Variants in RNF8 observed in about 807,000 individuals in gnomAD.
RNF8 encodes ring finger protein 8, also known as E3 ubiquitin-protein ligase RNF8.
A neutral mutation model predicts 59.3 loss-of-function variants in RNF8; 8 were observed. That is an observed-to-expected ratio of 0.13 (90% CI 0.08 to 0.24). The LOEUF (loss-of-function observed/expected upper bound fraction) is 0.24. RNF8 is among the 10% of genes least tolerant of loss of function. The pLI, the probability that RNF8 is intolerant of heterozygous loss-of-function variation, is 1.00. For missense variants in RNF8, 406 were observed against 572.6 expected (o/e 0.71, Z 2.97); for synonymous variants, 162 against 200.0 (o/e 0.81, Z 1.60).
intron 6 of RNF8, 28 bp downstream of exon 6, chr6:37,377,061 CTTT>C (rs35985063): frequency 0.027 from 6,790 of 252,136 alleles, no homozygotes; most frequent in South Asian, 0.04. Context: ...CTCACCCCTT[CTTT>C]TTTTTTTTTT....
rs771390175 is a variant in RNF8, at chr6:37,381,187, A to G, written c.1274A>G (p.Tyr425Cys). The change falls in exon 7 of 8, where the codon TAC becomes TGC. Residue 425 changes from tyrosine to cysteine, a missense_variant. This residue lies in a region of RNF8 where 59 missense variants were observed against 118.5 expected (regional missense o/e 0.50). Transcript: ENST00000373479. ...AACTGTGCCCACAGTTTCTGCTCCT[A>G]CTGTATCAATGAATGGATGAAGCGG... ...TLNCAHSFCS[Y>C]CINEWMKRKI... The G allele has an allele frequency of 4.3e-6, 7 of 1,614,180 alleles. No individual in the cohort carries two copies. The highest frequency in any genetic ancestry group is 5.1e-6 in the Non-Finnish European group (6 of 1,180,026).
At chr6:37,387,995 T>C (rs1267574120) in intron 7 of RNF8, among the ~76,000 whole-genome samples, 1 of 152,118 alleles carries the variant, frequency 6.6e-6, no homozygotes, top group Non-Finnish European at 1.5e-5. Context: ...GCAGAGTTAG[T>C]CTAGGGGCAG....
intron 2 of RNF8, among the ~76,000 whole-genome samples, chr6:37,368,096 C>T (rs1228710284): frequency 2.6e-5 from 4 of 152,322 alleles, no homozygotes; most frequent in African/African-American, 7.2e-5. Flanking sequence ...TCATGGACCT[C>T]ACCCTTAGCT....
At position 37,392,235 on chromosome 6, in the gene RNF8, T is replaced by G. The variant is rs1218965231; in HGVS notation, c.*1477T>G. 2.6e-6 allele frequency: 1 copy of G among 386,696 alleles called. No individual in the cohort carries two copies. The highest frequency in any genetic ancestry group is 4.6e-6 in the Non-Finnish European group (1 of 219,164). 24.0% of individuals were successfully genotyped at this position (386,696 alleles called of 1,614,324 possible). A position where few individuals can be genotyped will look rare whatever the true frequency, so the allele number is the denominator to read the frequency against. Reference sequence around the variant, plus strand: ...AGGAAAAGATTGTTACCACCTTGATTTAATAACTTCTTGTTTCCCCATACA... The same window carrying G: ...AGGAAAAGATTGTTACCACCTTGATGTAATAACTTCTTGTTTCCCCATACA... On this transcript the variant is annotated 3_prime_UTR_variant, in exon 8 of 8. Coordinates refer to ENST00000373479, the MANE Select transcript of RNF8 (RefSeq NM_003958.4).
rs1333687573 is a variant in RNF8 at position 37,369,073 on chromosome 6, C to T, written c.830C>T (p.Thr277Ile). The T allele has an allele frequency of 6.2e-7, 1 of 1,614,182 alleles. No individual in the cohort carries two copies. The highest frequency in any genetic ancestry group is 8.5e-7 in the Non-Finnish European group (1 of 1,180,026). ...HEAVMNVKKQ[T>I]QKGNSKKVVQ... The stretch of plus-strand genomic sequence containing the variant: ...GCCGTTATGAATGTGAAAAAGCAGA[C>T]CCAAAAGGGGAACTCAAAGAAAGTT... Residue 277 changes from threonine to isoleucine, a missense_variant, in exon 3 of 8, where the codon ACC becomes ATC. Coordinates refer to ENST00000373479, the MANE Select transcript of RNF8 (RefSeq NM_003958.4).
chr6:37,385,864 T>C (rs1011300669), intron 7 of RNF8, among the ~76,000 whole-genome samples: 2 of 151,526 alleles, frequency 1.3e-5, no homozygotes, highest in Non-Finnish European at 2.9e-5. Flanking sequence ...CATTTTTTTT[T>C]TTTTTTTTGA....
At position 37,390,774 on chromosome 6, in the gene RNF8, G is replaced by A; in HGVS notation, c.*16G>A. 1 of 1,614,020 alleles carries A rather than the reference G, an allele frequency of 6.2e-7. No homozygotes were observed. Among genetic ancestry groups the A allele is most frequent in the South Asian group, 1.1e-5 (1 of 91,066 alleles). On this transcript the variant is annotated 3_prime_UTR_variant, in exon 8 of 8. Coordinates refer to ENST00000373479, the MANE Select transcript of RNF8 (RefSeq NM_003958.4). ...ATTGTTCTGAAGACCGTGCTCTAAG[G>A]GCATTTGAAAGACTGCCAGGTAGTG...
rs9767150 is a variant in RNF8, at chr6:37,378,375, C to T, written c.1236+1342C>T. Among the ~76,000 whole-genome samples the T allele has an allele frequency of 8.8e-3, 1,340 of 151,928 alleles. 31 individuals are homozygous for T. The highest frequency in any genetic ancestry group is 0.03 in the African/African-American group (1,260 of 41,414). ...GAGCACTTTGGGAGGCCAAGGTGGGCGGATCACCTGAGGTCAAGAGTTCAA... is the reference window on the plus strand; with the variant it reads ...GAGCACTTTGGGAGGCCAAGGTGGGTGGATCACCTGAGGTCAAGAGTTCAA... On this transcript the variant is annotated intron_variant, in intron 6 of 7. Transcript: ENST00000373479.
chr6:37,365,866 C>T lies in RNF8; in HGVS notation c.241-2618C>T, dbSNP rs1258255243. ...GCAGTACTTGATTGTTCTGTACCGC[C>T]ATGGGATTTTTGTCCTTTTCTAGTC... On this transcript the variant is annotated intron_variant, in intron 2 of 7. Coordinates refer to ENST00000373479, the MANE Select transcript of RNF8 (RefSeq NM_003958.4). 1.3e-5 allele frequency among the ~76,000 whole-genome samples: 2 copies of T among 152,172 alleles called. 1 individual carries two copies. Among genetic ancestry groups the T allele is most frequent in the Non-Finnish European group, 2.9e-5 (2 of 68,034 alleles).
intron 4 of RNF8, among the ~76,000 whole-genome samples, chr6:37,371,922 C>T (rs902120659): frequency 6.6e-6 from 1 of 152,122 alleles, no homozygotes; most frequent in African/African-American, 2.4e-5. Flanking sequence ...CACCAGGGCC[C>T]GTGAAGGCCT....
chr6:37,354,304 A>T, intron 1 of RNF8, 29 bp downstream of exon 1: 1 of 1,489,618 alleles, frequency 6.7e-7, no homozygotes, highest in Non-Finnish European at 9.0e-7. Flanking sequence ...TGTGGAGCGG[A>T]GGGCAGGGGC....
intron 1 of RNF8, 127 bp downstream of exon 1, chr6:37,354,402 C>T: frequency 1.4e-6 from 1 of 694,366 alleles, no homozygotes; most frequent in Non-Finnish European, 2.2e-6. Context: ...GGAAGAGGAG[C>T]GAAGTGTCTG....
chr6:37,376,768 A>G (rs964387137), intron 5 of RNF8, among the ~76,000 whole-genome samples, 158 bp from the exon 6 acceptor site: 4 of 152,238 alleles, frequency 2.6e-5, no homozygotes, highest in Non-Finnish European at 4.4e-5. Flanking sequence ...TTGAAAAACA[A>G]TAAGCCTTAG....
intron 7 of RNF8, among the ~76,000 whole-genome samples, chr6:37,383,896 G>A (rs1418450585): frequency 1.3e-5 from 2 of 152,130 alleles, no homozygotes; most frequent in African/African-American, 4.8e-5. Flanking sequence ...AGCTGGTGAG[G>A]TGAGAGAGCA....
At chr6:37,357,648 A>G (rs914729721) in intron 1 of RNF8, among the ~76,000 whole-genome samples, 2 of 152,252 alleles carry the variant, frequency 1.3e-5, no homozygotes, top group African/African-American at 4.8e-5. Flanking sequence ...GTGTGAAAGA[A>G]CTGAAAAACT....
At chr6:37,378,600 C>CAAAAA (rs554259061) in intron 6 of RNF8, among the ~76,000 whole-genome samples, 4 of 56,532 alleles carry the variant, frequency 7.1e-5, no homozygotes, top group Non-Finnish European at 1.6e-4. Flanking sequence ...GACTCCGTCT[C>CAAAAA]AAAAAAAAAA....
Position 37,369,237 on chromosome 6 carries a change from G to T in RNF8, c.975+19G>T. On this transcript the variant is annotated intron_variant, in intron 3 of 7. Coordinates refer to ENST00000373479, the MANE Select transcript of RNF8 (RefSeq NM_003958.4). ...TCTTCAGGTACCACACAGAAGGGAA[G>T]GGCAAGAGTGGTCTTCAGGGGTGGG... 6.3e-7 allele frequency: 1 copy of T among 1,580,900 alleles called. No homozygotes were observed. The highest frequency in any genetic ancestry group is 1.2e-5 in the South Asian group (1 of 86,644).
At chr6:37,382,590 G>T (rs896426122) in intron 7 of RNF8, among the ~76,000 whole-genome samples, 3 of 152,086 alleles carry the variant, frequency 2.0e-5, no homozygotes, top group African/African-American at 7.2e-5. Flanking sequence ...GGGTTGGGGG[G>T]TGGACCTAGG....
At chr6:37,381,007 T>C in intron 6 of RNF8, 143 bp from the exon 7 acceptor site, 1 of 738,638 alleles carries the variant, frequency 1.4e-6, no homozygotes, top group Non-Finnish European at 2.3e-6. Context: ...ATTCTGATAC[T>C]CTTTATAAGC....
Sources: gnomAD v4.1 joint callset for allele counts (sites outside exome capture counted in the v4.1 genomes callset) on GRCh38, gnomAD v4.1.1 for gene constraint, gnomAD v4.1.1 regional missense constraint, MANE v1.5 for transcripts, NCBI Gene and HGNC (gene_info 2026-07-23, HGNC 2026-07-21) for gene names.